Variants in HSD17B12 observed in about 807,000 individuals in gnomAD.
The protein encoded by HSD17B12 is hydroxysteroid 17-beta dehydrogenase 12.
A neutral mutation model predicts 39.3 loss-of-function variants in HSD17B12; 32 were observed. That is an observed-to-expected ratio of 0.81 (90% confidence interval 0.61 to 1.09). The LOEUF is 1.09. HSD17B12 is among the 50% of genes least tolerant of loss of function. HSD17B12 has a pLI of 0.00. For synonymous variants in HSD17B12, 150 were observed against 146.7 expected, an observed-to-expected ratio of 1.02 and a Z score of -0.16; for missense variants, 342 against 382.9, an observed-to-expected ratio of 0.89 and a Z score of 0.89.
chr11:43,594,502 ATGAAC>A, the HSD17B12 span, among the ~76,000 whole-genome samples: 3 of 151,776 alleles, frequency 2.0e-5, no homozygotes, highest in Admixed American at 6.6e-5. Context: ...TCAAAATTTT[ATGAAC>A]TGATTTGGTT....
chr11:43,842,495 A>G (rs1951436262), intron 9 of HSD17B12, among the ~76,000 whole-genome samples: 3 of 152,174 alleles, frequency 2.0e-5, no homozygotes, highest in African/African-American at 4.8e-5. Flanking sequence ...GTGTTCTAGA[A>G]TCCTGGATTT....
chr11:43,566,534 CT>C, the HSD17B12 span, among the ~76,000 whole-genome samples: 471 of 144,506 alleles, frequency 3.3e-3, no homozygotes, highest in African/African-American at 3.2e-3. Context: ...TGACCCAGAA[CT>C]TTTTTTTTTT....
intron 1 of HSD17B12, among the ~76,000 whole-genome samples, chr11:43,746,267 A>G (rs1342478249): frequency 1.3e-5 from 2 of 152,220 alleles, no homozygotes; most frequent in South Asian, 2.1e-4. Context: ...TATCTTTTGG[A>G]CTTCTGTAAT....
chr11:43,757,667 A>AAAAAAACC (rs869271362), intron 3 of HSD17B12, among the ~76,000 whole-genome samples: 1 of 143,296 alleles, frequency 7.0e-6, no homozygotes, highest in African/African-American at 2.6e-5. Context: ...AAAAAAAAAA[A>AAAAAAACC]CAAATAGGTA....
intron 1 of HSD17B12, among the ~76,000 whole-genome samples, chr11:43,728,130 A>G (rs1371816612): frequency 6.6e-6 from 1 of 151,940 alleles, no homozygotes; most frequent in African/African-American, 2.4e-5. Flanking sequence ...CAGTGGCACA[A>G]TCTCCACTCA....
At chr11:43,787,737 G>GA (rs1950828678) in intron 3 of HSD17B12, among the ~76,000 whole-genome samples, 1 of 124,314 alleles carries the variant, frequency 8.0e-6, no homozygotes. Context: ...ACTCCGTCTC[G>GA]GAAAAAAAAA....
the HSD17B12 span, among the ~76,000 whole-genome samples, chr11:43,601,033 A>G: frequency 6.6e-5 from 10 of 151,440 alleles, no homozygotes; most frequent in Non-Finnish European, 1.2e-4. Context: ...CCTTTATTCT[A>G]TAACTGTAAT....
chr11:43,607,104 T>G, the HSD17B12 span, among the ~76,000 whole-genome samples: 22 of 152,342 alleles, frequency 1.4e-4, no homozygotes, highest in South Asian at 4.6e-3. Context: ...TATATTATTA[T>G]CTTAATTGTT....
At chr11:43,733,960 G>A (rs1950292534) in intron 1 of HSD17B12, 1 of 704,376 alleles carries the variant, frequency 1.4e-6, no homozygotes, top group Non-Finnish European at 2.6e-6. Context: ...AATTATCTTT[G>A]CTGTTCTCGA....
chr11:43,633,573 A>G, the HSD17B12 span, among the ~76,000 whole-genome samples: 1 of 152,066 alleles, frequency 6.6e-6, no homozygotes, highest in Non-Finnish European at 1.5e-5. Flanking sequence ...TAAAATAAAA[A>G]CAACAACATA....
the HSD17B12 span, among the ~76,000 whole-genome samples, chr11:43,599,005 T>C: frequency 4.6e-5 from 7 of 152,240 alleles, no homozygotes; most frequent in African/African-American, 1.7e-4. Flanking sequence ...CTTACATCAC[T>C]TTGGACAATA....
chr11:43,756,307 G>C lies in HSD17B12; in HGVS notation c.283+2186G>C, dbSNP rs564080105. On this transcript the variant is annotated intron_variant, in intron 3 of 10. Coordinates refer to ENST00000278353, the MANE Select transcript of HSD17B12 (RefSeq NM_016142.3). The stretch of plus-strand genomic sequence containing the variant: ...GTATATAGATATACAATATATCTTT[G>C]GCATTTGAAGCTTTTAACATTCAAG... Among the ~76,000 whole-genome samples the C allele has an allele frequency of 7.9e-5, 12 of 151,480 alleles. No individual in the cohort carries two copies. In the South Asian group the frequency reaches 1.0e-3, roughly 13 times the overall value.
rs139863470 is a variant in HSD17B12 at position 43,706,600 on chromosome 11, T to C, written c.160+25613T>C. Among the ~76,000 whole-genome samples the C allele has an allele frequency of 1.7e-3, 252 of 151,982 alleles. 1 individual carries two copies. Among genetic ancestry groups the C allele is most frequent in the African/African-American group, 5.7e-3 (238 of 41,462 alleles). ...TTTGGTCATACACTATTGCTTGGGGTTTAAGGGAAGCTGCCTTTTTGGTTG... is the reference window on the plus strand; with the variant it reads ...TTTGGTCATACACTATTGCTTGGGGCTTAAGGGAAGCTGCCTTTTTGGTTG... On this transcript the variant is annotated intron_variant, in intron 1 of 10. Coordinates refer to ENST00000278353, the MANE Select transcript of HSD17B12 (RefSeq NM_016142.3).
At chr11:43,767,968 C>G (rs1950610616) in intron 3 of HSD17B12, among the ~76,000 whole-genome samples, 1 of 152,228 alleles carries the variant, frequency 6.6e-6, no homozygotes, top group Non-Finnish European at 1.5e-5. Flanking sequence ...ATACTCCTCA[C>G]ATGATTTAAA....
chr11:43,562,536 G>A, the HSD17B12 span, among the ~76,000 whole-genome samples: 1 of 152,216 alleles, frequency 6.6e-6, no homozygotes, highest in Non-Finnish European at 1.5e-5. Context: ...CATACCAAAT[G>A]TCTATCACTT....
intron 10 of HSD17B12, 54 bp downstream of exon 10, chr11:43,854,918 C>A: frequency 6.4e-7 from 1 of 1,571,366 alleles, no homozygotes; most frequent in Non-Finnish European, 8.7e-7. Context: ...GGGTTTCTTT[C>A]CCATTGAGTT....
chr11:43,680,634 A>G (rs1949732355), upstream of HSD17B12: 2 of 603,316 alleles, frequency 3.3e-6, no homozygotes, highest in African/African-American at 3.7e-5. Context: ...CTAATGGCTG[A>G]CGCACTACGC....
chr11:43,830,820 G>T lies in HSD17B12; in HGVS notation c.502-156G>T. On this transcript the variant is annotated intron_variant, in intron 6 of 10. Transcript: ENST00000278353. ...TTCCTTTTTATGCCCTCTTGACACA[G>T]TCACATTCTACAGTGTACAGAAAAT... 1.9e-6 allele frequency: 1 copy of T among 514,312 alleles called. No homozygotes were observed. The highest frequency in any genetic ancestry group is 3.5e-6 in the Non-Finnish European group (1 of 286,362). 31.9% of individuals were successfully genotyped at this position (514,312 alleles called of 1,614,324 possible). A position where few individuals can be genotyped will look rare whatever the true frequency, so the allele number is the denominator to read the frequency against.
chr11:43,757,023 G>A (rs1950512887), intron 3 of HSD17B12, among the ~76,000 whole-genome samples: 1 of 152,206 alleles, frequency 6.6e-6, no homozygotes, highest in South Asian at 2.1e-4. Context: ...GGTGATATCA[G>A]CAGACTATGT....
Sources: gnomAD v4.1 joint callset for allele counts (sites outside exome capture counted in the v4.1 genomes callset) on GRCh38, gnomAD v4.1.1 for gene constraint, MANE v1.5 for transcripts, NCBI Gene and HGNC (gene_info 2026-07-23, HGNC 2026-07-21) for gene names.